The following NNMT variants were observed in gnomAD, a reference collection of about 807,000 sequenced individuals.
NNMT encodes nicotinamide N-methyltransferase.
NNMT carries 10 observed loss-of-function variants against 11.7 expected under a neutral mutation model. The ratio of observed to expected loss-of-function variants is 0.85; its 90% CI spans 0.53 to 1.45. NNMT has a LOEUF of 1.45. Among genes scored for constraint, NNMT ranks in the 40% most tolerant of loss-of-function variants. The probability of loss-of-function intolerance (pLI) is 0.00; values close to 1 mark genes in which losing one functional copy is unlikely to be tolerated. For synonymous variants in NNMT, 143 were observed against 133.8 expected (o/e 1.07, Z -0.48); for missense variants, 381 against 319.4 (o/e 1.19, Z -1.47).
chr11:114,296,244 C>T, upstream of NNMT: 1 of 231,118 alleles, frequency 4.3e-6, no homozygotes, highest in East Asian at 8.4e-5. Flanking sequence ...GTCTACAATC[C>T]CTGGCGGCTG....
At chr11:114,284,731 A>G (rs11214930) in intron 2 of NNMT, among the ~76,000 whole-genome samples, 192 of 138,662 alleles carry the variant, frequency 1.4e-3, no homozygotes, top group Non-Finnish European at 2.2e-3. Context: ...CAAAGTGCTG[A>G]GATGACAGGC....
intron 2 of NNMT, among the ~76,000 whole-genome samples, chr11:114,309,589 C>G (rs1007991136): frequency 1.3e-5 from 2 of 152,110 alleles, no homozygotes; most frequent in African/African-American, 4.8e-5. Context: ...ATCTCTCTCT[C>G]TCTCTCTCTT....
chr11:114,285,985 G>T lies in NNMT; in HGVS notation c.-129-10443G>T, dbSNP rs142898288. 2.5e-3 allele frequency among the ~76,000 whole-genome samples: 382 copies of T among 152,322 alleles called. 2 individuals carry two copies. The highest frequency in any genetic ancestry group is 7.3e-3 in the Admixed American group (111 of 15,300). On this transcript the variant is annotated intron_variant, in intron 2 of 4. Coordinates refer to the NNMT transcript ENST00000535401. ...CTTGATGTCATCTGAGGCACAGAAG[G>T]ACTTCTTCCAGCATTGGAAAGAAAA...
chr11:114,291,239 C>G (rs886143169), intron 2 of NNMT, among the ~76,000 whole-genome samples: 2 of 152,200 alleles, frequency 1.3e-5, no homozygotes, highest in African/African-American at 4.8e-5. Context: ...ACCCACCCTT[C>G]TGTACTCTGT....
intron 1 of NNMT, among the ~76,000 whole-genome samples, chr11:114,260,051 A>C (rs749666156): frequency 6.6e-6 from 1 of 152,124 alleles, no homozygotes; most frequent in African/African-American, 2.4e-5. Flanking sequence ...TTCTGACTCT[A>C]TGACAGAGTG....
chr11:114,309,193 T>C (rs765477916), intron 2 of NNMT, among the ~76,000 whole-genome samples: 21 of 152,318 alleles, frequency 1.4e-4, no homozygotes, highest in Admixed American at 3.9e-4. Flanking sequence ...GTTACTTAAG[T>C]TTTTCTGTTC....
chr11:114,295,007 C>T (rs1299727043), upstream of NNMT, among the ~76,000 whole-genome samples: 6 of 152,142 alleles, frequency 3.9e-5, no homozygotes, highest in East Asian at 1.2e-3. Context: ...TTGGAAAAAA[C>T]CGGTAGGGAT....
At chr11:114,306,908 G>A (rs1230243546) in intron 2 of NNMT, among the ~76,000 whole-genome samples, 1 of 152,130 alleles carries the variant, frequency 6.6e-6, no homozygotes, top group Non-Finnish European at 1.5e-5. Flanking sequence ...TTTGTATGTT[G>A]TCCAAAAATA....
intron 2 of NNMT, among the ~76,000 whole-genome samples, chr11:114,263,839 C>T (rs1021835087): frequency 2.0e-5 from 3 of 152,180 alleles, no homozygotes; most frequent in Non-Finnish European, 4.4e-5. Context: ...GCAACTGAAC[C>T]TCCATTTTGG....
intron 2 of NNMT, among the ~76,000 whole-genome samples, chr11:114,273,245 G>A (rs1945185577): frequency 6.6e-6 from 1 of 152,230 alleles, no homozygotes; most frequent in South Asian, 2.1e-4. Flanking sequence ...ATAAGAGGGT[G>A]AAAGCTTCCA....
chr11:114,285,081 C>T (rs565531723), intron 2 of NNMT, among the ~76,000 whole-genome samples: 3 of 152,188 alleles, frequency 2.0e-5, no homozygotes, highest in East Asian at 1.9e-4. Context: ...TCTCCCATCA[C>T]GCTTCTTCTT....
intron 1 of NNMT, among the ~76,000 whole-genome samples, chr11:114,259,803 CTTTA>C (rs1945062153): frequency 6.6e-6 from 1 of 152,180 alleles, no homozygotes; most frequent in South Asian, 2.1e-4. Flanking sequence ...TTAAGCCCTC[CTTTA>C]TTTATTTACT....
rs1945554381 is a variant in NNMT at position 114,312,089 on chromosome 11, A to G, written c.407A>G (p.Lys136Arg). 4 of 1,600,264 alleles carry G rather than the reference A, an allele frequency of 2.5e-6. No homozygotes were observed. Among genetic ancestry groups the G allele is most frequent in the Middle Eastern group, 1.7e-4 (1 of 6,026 alleles). Residue 136 changes from lysine to arginine, a missense_variant, in exon 3 of 3, where the codon AAG (lysine) becomes AGG (arginine). Physicochemically the swap from Lys to Arg is conservative, Grantham distance 26. Transcript: ENST00000299964. ...EKEEKLRQAV[K>R]QVLKCDVTQS... ...GAGGAGAAGTTGAGACAGGCGGTCAAGCAGGTGCTGAAGTGTGATGTGACT... is the reference window on the plus strand; with the variant it reads ...GAGGAGAAGTTGAGACAGGCGGTCAGGCAGGTGCTGAAGTGTGATGTGACT...
At chr11:114,301,432 C>T (rs1431834870) in intron 2 of NNMT, among the ~76,000 whole-genome samples, 3 of 152,056 alleles carry the variant, frequency 2.0e-5, no homozygotes, top group Non-Finnish European at 4.4e-5. Context: ...GGAATAATAT[C>T]CAGTGCTAAA....
At position 114,296,666 on chromosome 11, in the gene NNMT, T is replaced by C. The variant is rs1451485944; in HGVS notation, c.110T>C (p.Ile37Thr). 4 of 1,614,094 alleles carry C rather than the reference T, an allele frequency of 2.5e-6. No homozygotes were observed. Among genetic ancestry groups the C allele is most frequent in the Admixed American group, 1.7e-5 (1 of 59,998 alleles). Residue 37 changes from isoleucine (I) to threonine (T), a missense_variant, in exon 1 of 3, where the codon ATT becomes ACT. Physicochemically the swap from Ile to Thr is moderately conservative, Grantham distance 89. Transcript: ENST00000299964. ...FGSRHSAESQ[I>T]LKHLLKNLFK... ...TCTAGGCACTCTGCAGAAAGCCAGA[T>C]TCTTAAGCACCTTCTGAAAAATCTT...
chr11:114,312,809 C>A lies in NNMT; in HGVS notation c.*332C>A, dbSNP rs527885865. On this transcript the variant is annotated 3_prime_UTR_variant, in exon 3 of 3. Coordinates refer to ENST00000299964, the MANE Select transcript of NNMT (RefSeq NM_006169.3). Reference sequence around the variant, plus strand: ...CTACAGAGAAGTGTCTGCAGTTACTCACTATTAGTTTCCTAAGGGGGCACT... The same window carrying A: ...CTACAGAGAAGTGTCTGCAGTTACTAACTATTAGTTTCCTAAGGGGGCACT... The A allele has an allele frequency of 4.6e-5, 12 of 260,232 alleles. No individual in the cohort carries two copies. In the South Asian group the frequency reaches 1.2e-3, roughly 26 times the overall value. The allele number at this position is 260,232 out of a possible 1,614,324, so 16.1% of individuals were successfully genotyped here.
chr11:114,272,206 T>C (rs1415184368), intron 2 of NNMT, among the ~76,000 whole-genome samples: 1 of 152,136 alleles, frequency 6.6e-6, no homozygotes. Flanking sequence ...CCTGACATCT[T>C]TTGGGTGGAT....
intron 2 of NNMT, among the ~76,000 whole-genome samples, chr11:114,301,908 G>C (rs1052477870): frequency 6.6e-6 from 1 of 151,792 alleles, no homozygotes; most frequent in South Asian, 2.1e-4. Flanking sequence ...TCTTGTCCTG[G>C]GGAGTGAGCT....
At chr11:114,309,924 G>A (rs774276083) in intron 2 of NNMT, among the ~76,000 whole-genome samples, 1 of 152,140 alleles carries the variant, frequency 6.6e-6, no homozygotes, top group Non-Finnish European at 1.5e-5. Context: ...CCTGTGTCTA[G>A]AAGGTCCATC....
Sources: allele counts gnomAD v4.1 joint callset (sites outside exome capture counted in the v4.1 genomes callset), GRCh38; gene constraint gnomAD v4.1.1; transcripts MANE v1.5; gene names NCBI Gene and HGNC (gene_info 2026-07-23, HGNC 2026-07-21).